The following ZNF385D variants were observed in gnomAD, a reference collection of about 807,000 sequenced individuals.
ZNF385D encodes zinc finger protein 659.
Under a neutral mutation model 35.8 loss-of-function variants are expected in ZNF385D, and 15 were observed. The observed-to-expected ratio is 0.42, with a 90% CI of 0.28 to 0.64. The LOEUF is 0.64. Among genes scored for constraint, ZNF385D ranks in the 30% least tolerant of loss-of-function variants. The pLI, the probability that ZNF385D is intolerant of heterozygous loss-of-function variation, is 0.23. For synonymous variants in ZNF385D, 212 were observed against 186.8 expected, an observed-to-expected ratio of 1.13 and a Z score of -1.10; for missense variants, 474 against 494.6, an observed-to-expected ratio of 0.96 and a Z score of 0.39.
At chr3:22,084,814 A>T (rs1700940834) in intron 3 of ZNF385D, among the ~76,000 whole-genome samples, 1 of 152,222 alleles carries the variant, frequency 6.6e-6, no homozygotes, top group East Asian at 1.9e-4. Context: ...AAAATTGACC[A>T]CATAGTTGGA....
In ZNF385D at chr3:21,418,615, A is replaced by G. The variant is rs1700610579; in HGVS notation, c.*2599T>C. On this transcript the variant is annotated 3_prime_UTR_variant, in exon 8 of 8. Coordinates refer to ENST00000281523, the MANE Select transcript of ZNF385D (RefSeq NM_024697.3). ...CTGATTCGTTTGTTCCCAGCAAATC[A>G]TTAAAGACAGTAATGCCTTGTGACC... 1 of 152,224 alleles carries G rather than the reference A, an allele frequency of 6.6e-6. No homozygotes were observed. Among genetic ancestry groups the G allele is most frequent in the Non-Finnish European group, 1.5e-5 (1 of 68,040 alleles). 9.4% of individuals were successfully genotyped at this position (152,224 alleles called of 1,614,324 possible).
At chr3:21,698,938 C>T (rs1042923005) in intron 1 of ZNF385D, among the ~76,000 whole-genome samples, 22 of 152,174 alleles carry the variant, frequency 1.4e-4, no homozygotes, top group Admixed American at 6.5e-4. Flanking sequence ...TGTGGCAATT[C>T]AAGAATCTAG....
intron 3 of ZNF385D, among the ~76,000 whole-genome samples, chr3:21,909,852 C>T (rs1373065338): frequency 6.6e-6 from 1 of 152,012 alleles, no homozygotes; most frequent in Non-Finnish European, 1.5e-5. Flanking sequence ...TGGGACAACT[C>T]TTTCGAACAT....
intron 1 of ZNF385D, among the ~76,000 whole-genome samples, chr3:21,724,127 G>A (rs2068654527): frequency 1.3e-5 from 2 of 152,144 alleles, no homozygotes; most frequent in Admixed American, 6.5e-5. Flanking sequence ...CACCAGGCCT[G>A]CCTTAAAAGA....
chr3:21,733,522 T>C (rs374352508), intron 1 of ZNF385D, among the ~76,000 whole-genome samples: 57 of 152,326 alleles, frequency 3.7e-4, no homozygotes, highest in African/African-American at 1.3e-3. Context: ...GTGTTGTAAA[T>C]ACTGTTTTCT....
chr3:22,184,993 G>A (rs9681875), intron 2 of ZNF385D, among the ~76,000 whole-genome samples: 74,143 of 151,716 alleles, frequency 0.49, 18,446 homozygotes, highest in Middle Eastern at 0.62. Context: ...AGGTTAAAAT[G>A]TGTTTTAAAT....
At chr3:21,773,842 A>G (rs1212781401) in intron 3 of ZNF385D, among the ~76,000 whole-genome samples, 2 of 152,004 alleles carry the variant, frequency 1.3e-5, no homozygotes, top group African/African-American at 4.8e-5. Context: ...TAGTTCAACC[A>G]TTGTGGAAGA....
intron 3 of ZNF385D, among the ~76,000 whole-genome samples, chr3:22,095,021 C>A (rs1443269699): frequency 6.6e-6 from 1 of 151,932 alleles, no homozygotes; most frequent in Non-Finnish European, 1.5e-5. Flanking sequence ...AATCCTCCCA[C>A]CTCAGACTCC....
At position 21,683,040 on chromosome 3, in the gene ZNF385D, C is replaced by T. The variant is rs2066967041; in HGVS notation, c.23-18012G>A. ...CACAGACTTCTGATGTCTTCCTACC[C>T]CTACTTCAAGTTTTGATTTCTGAGT... On this transcript the variant is annotated intron_variant, in intron 1 of 7. Coordinates refer to ENST00000281523, the MANE Select transcript of ZNF385D (RefSeq NM_024697.3). 1.3e-5 allele frequency among the ~76,000 whole-genome samples: 2 copies of T among 149,766 alleles called. 1 individual carries two copies. Among genetic ancestry groups the T allele is most frequent in the African/African-American group, 4.9e-5 (2 of 40,634 alleles).
chr3:21,683,721 G>A (rs2066991204), intron 1 of ZNF385D, among the ~76,000 whole-genome samples: 1 of 150,170 alleles, frequency 6.7e-6, no homozygotes, highest in African/African-American at 2.5e-5. Context: ...AGGATTCAAT[G>A]TGCCCTTACT....
chr3:21,450,239 T>TC (rs749473785), intron 4 of ZNF385D, among the ~76,000 whole-genome samples: 23 of 152,170 alleles, frequency 1.5e-4, no homozygotes, highest in Non-Finnish European at 1.5e-4. Flanking sequence ...CTTTGTGCTT[T>TC]CTTTTATGCT....
intron 3 of ZNF385D, among the ~76,000 whole-genome samples, chr3:22,016,261 G>T (rs1233118934): frequency 1.3e-5 from 2 of 151,990 alleles, no homozygotes; most frequent in African/African-American, 4.8e-5. Context: ...GTGGGTAGAG[G>T]GTAGGTATGC....
At chr3:22,286,260 C>G (rs1462638699) in intron 2 of ZNF385D, among the ~76,000 whole-genome samples, 1 of 152,034 alleles carries the variant, frequency 6.6e-6, no homozygotes, top group African/African-American at 2.4e-5. Context: ...GTACTAATAT[C>G]CGCGCCCTCA....
At chr3:21,665,509 G>A (rs975378417) in intron 1 of ZNF385D, among the ~76,000 whole-genome samples, 1 of 152,148 alleles carries the variant, frequency 6.6e-6, no homozygotes, top group Non-Finnish European at 1.5e-5. Flanking sequence ...GCACATAAAA[G>A]AAATTTAACC....
intron 3 of ZNF385D, among the ~76,000 whole-genome samples, chr3:22,164,799 GA>G (rs1417283059): frequency 6.6e-6 from 1 of 151,958 alleles, no homozygotes; most frequent in African/African-American, 2.4e-5. Context: ...AAAGTGTCCG[GA>G]TAATTTTTAT....
intron 2 of ZNF385D, among the ~76,000 whole-genome samples, chr3:22,224,119 T>C (rs1219444727): frequency 1.3e-5 from 2 of 152,122 alleles, no homozygotes; most frequent in African/African-American, 4.8e-5. Flanking sequence ...TGGTCATGAA[T>C]TTGACCCTCA....
At chr3:22,234,555 C>CT (rs914670765) in intron 2 of ZNF385D, among the ~76,000 whole-genome samples, 5 of 151,986 alleles carry the variant, frequency 3.3e-5, no homozygotes, top group African/African-American at 1.2e-4. Flanking sequence ...TAATCTTAGC[C>CT]TATAGATGTC....
chr3:21,750,706 C>T (rs930546430), intron 1 of ZNF385D, among the ~76,000 whole-genome samples, 189 bp downstream of exon 1: 2 of 151,770 alleles, frequency 1.3e-5, no homozygotes, highest in Non-Finnish European at 2.9e-5. Context: ...TCATCCACGG[C>T]TAAATTAACA....
intron 3 of ZNF385D, among the ~76,000 whole-genome samples, chr3:21,969,676 T>G (rs1703125546): frequency 6.6e-6 from 1 of 152,068 alleles, no homozygotes; most frequent in African/African-American, 2.4e-5. Context: ...CACCATCTGC[T>G]TATTGTAGGG....
Sources: allele counts gnomAD v4.1 joint callset (sites outside exome capture counted in the v4.1 genomes callset), GRCh38; gene constraint gnomAD v4.1.1; transcripts MANE v1.5; gene names NCBI Gene and HGNC (gene_info 2026-07-23, HGNC 2026-07-21).